Variants in PDE1C observed in about 807,000 individuals in gnomAD.
The protein encoded by PDE1C is dual specificity calcium/calmodulin-dependent 3',5'-cyclic nucleotide phosphodiesterase 1C.
In PDE1C, 62 loss-of-function variants were observed where a neutral mutation model predicts 93.1. That is an observed-to-expected ratio of 0.67 (90% CI 0.54 to 0.82). The LOEUF (loss-of-function observed/expected upper bound fraction) is 0.82. PDE1C is among the 40% of genes least tolerant of loss of function. The probability of loss-of-function intolerance (pLI) is 0.00; values close to 1 mark genes in which losing one functional copy is unlikely to be tolerated. For synonymous variants in PDE1C, 325 were observed against 310.1 expected, an observed-to-expected ratio of 1.05 and a Z score of -0.50; for missense variants, 742 against 884.6, an observed-to-expected ratio of 0.84 and a Z score of 2.04.
chr7:31,787,110 A>G (rs1009775373), intron 16 of PDE1C: 2 of 152,174 alleles, frequency 1.3e-5, no homozygotes, highest in Non-Finnish European at 1.5e-5. Context: ...ATCCCATGAT[A>G]ATGTTGCTTT....
chr7:31,695,261 A>G, the PDE1C span, among the ~76,000 whole-genome samples: 1 of 152,160 alleles, frequency 6.6e-6, no homozygotes, highest in African/African-American at 2.4e-5. Flanking sequence ...TTGGAGTTTT[A>G]CAGCATTCTA....
intron 1 of PDE1C, among the ~76,000 whole-genome samples, chr7:32,255,281 C>T (rs539436598): frequency 4.1e-4 from 62 of 152,242 alleles, no homozygotes; most frequent in Non-Finnish European, 8.1e-4. Context: ...GGGGTCCTGT[C>T]CCACATCCTT....
chr7:31,936,649 C>T (rs1805125413), intron 2 of PDE1C, among the ~76,000 whole-genome samples: 1 of 152,084 alleles, frequency 6.6e-6, no homozygotes, highest in Admixed American at 6.6e-5. Flanking sequence ...AGTGTAGTCA[C>T]TTTGCTTTTC....
At chr7:32,307,600 G>A (rs565700360) in intron 1 of PDE1C, among the ~76,000 whole-genome samples, 3 of 144,178 alleles carry the variant, frequency 2.1e-5, no homozygotes, top group East Asian at 4.1e-4. Context: ...ATGGAGACAT[G>A]GTTAAACCCT....
chr7:32,290,697 G>A (rs1456982117), intron 1 of PDE1C, among the ~76,000 whole-genome samples: 2 of 152,108 alleles, frequency 1.3e-5, no homozygotes, highest in Admixed American at 1.3e-4. Context: ...CTGGCAGCTA[G>A]GGACTCGCTT....
chr7:31,652,676 C>A, the PDE1C span: 2 of 1,613,834 alleles, frequency 1.2e-6, no homozygotes, highest in African/African-American at 2.7e-5. Context: ...AGGAGGCTCC[C>A]TGTTCAGGTG....
intron 14 of PDE1C, among the ~76,000 whole-genome samples, chr7:31,822,372 T>C (rs1789080681): frequency 1.3e-5 from 2 of 152,092 alleles, no homozygotes; most frequent in South Asian, 4.1e-4. Flanking sequence ...CATCTCTCCC[T>C]AGTATGATAA....
intron 2 of PDE1C, among the ~76,000 whole-genome samples, chr7:32,032,625 T>C (rs1790484344): frequency 6.6e-6 from 1 of 152,164 alleles, no homozygotes; most frequent in Non-Finnish European, 1.5e-5. Flanking sequence ...CCTGCTTCTA[T>C]TATTATAGAT....
intron 1 of PDE1C, among the ~76,000 whole-genome samples, chr7:32,310,620 A>G (rs538352702): frequency 6.6e-6 from 1 of 152,354 alleles, no homozygotes; most frequent in African/African-American, 2.4e-5. Context: ...GCTCAACTAC[A>G]TGGAAACTGA....
chr7:32,127,227 T>G (rs1799640480), intron 3 of PDE1C, among the ~76,000 whole-genome samples: 2 of 152,176 alleles, frequency 1.3e-5, no homozygotes, highest in Admixed American at 6.6e-5. Flanking sequence ...GACTCCCAAC[T>G]GCAGATCTTG....
chr7:32,042,382 GA>G (rs1791945236), intron 2 of PDE1C, among the ~76,000 whole-genome samples: 1 of 152,184 alleles, frequency 6.6e-6, no homozygotes, highest in South Asian at 2.1e-4. Flanking sequence ...TTCAGTGTCT[GA>G]AAGGCCTGCC....
intron 1 of PDE1C, among the ~76,000 whole-genome samples, chr7:32,416,609 T>A (rs986423540): frequency 1.3e-5 from 2 of 152,166 alleles, no homozygotes; most frequent in Non-Finnish European, 2.9e-5. Flanking sequence ...CACCCATTCC[T>A]GATTCTCATT....
intron 2 of PDE1C, among the ~76,000 whole-genome samples, chr7:32,039,532 A>T (rs144821023): frequency 6.6e-6 from 1 of 152,352 alleles, no homozygotes; most frequent in East Asian, 1.9e-4. Context: ...AGTGCAGGAC[A>T]ACGGGGACGA....
chr7:31,982,848 T>C (rs1296118010), intron 2 of PDE1C, among the ~76,000 whole-genome samples: 1 of 152,176 alleles, frequency 6.6e-6, no homozygotes, highest in Non-Finnish European at 1.5e-5. Context: ...TTGAACCCCA[T>C]GGGCTTTGAG....
chr7:31,907,957 G>GA (rs201253353), intron 2 of PDE1C, among the ~76,000 whole-genome samples: 4,352 of 150,164 alleles, frequency 0.029, 72 homozygotes, highest in South Asian at 0.075. Flanking sequence ...AGAACAGAAT[G>GA]AAAAAAAAGG....
At chr7:32,277,730 C>T (rs185614950) in intron 1 of PDE1C, among the ~76,000 whole-genome samples, 336 of 152,284 alleles carry the variant, frequency 2.2e-3, no homozygotes, top group African/African-American at 7.8e-3. Context: ...TTCTCCTATC[C>T]TCATCCCTAA....
chr7:32,125,062 T>C (rs1315430487), intron 3 of PDE1C, among the ~76,000 whole-genome samples: 2 of 152,232 alleles, frequency 1.3e-5, no homozygotes, highest in East Asian at 3.9e-4. Context: ...GCAAATGATA[T>C]GAACAGACAC....
intron 7 of PDE1C, among the ~76,000 whole-genome samples, chr7:31,851,232 C>T (rs1793306683): frequency 6.6e-6 from 1 of 152,286 alleles, no homozygotes; most frequent in African/African-American, 2.4e-5. Context: ...CTGCTCTATG[C>T]ATGCTGATGA....
At chr7:31,853,103 A>G (rs558687869) in intron 7 of PDE1C, among the ~76,000 whole-genome samples, 2 of 152,266 alleles carry the variant, frequency 1.3e-5, no homozygotes, top group African/African-American at 4.8e-5. Flanking sequence ...CAGTTCTCAC[A>G]TTACAACCAT....
Sources: allele counts gnomAD v4.1 joint callset (sites outside exome capture counted in the v4.1 genomes callset), GRCh38; gene constraint gnomAD v4.1.1; transcripts MANE v1.5; gene names NCBI Gene and HGNC (gene_info 2026-07-23, HGNC 2026-07-21).